Variants in NLRP8 observed in about 807,000 individuals in gnomAD.
NLRP8 encodes NLR family pyrin domain containing 8.
A neutral mutation model predicts 88.7 loss-of-function variants in NLRP8; 86 were observed. The observed-to-expected ratio is 0.97, with a 90% confidence interval of 0.81 to 1.16. The LOEUF (loss-of-function observed/expected upper bound fraction) is 1.16, where lower values mean the gene tolerates loss of function less well. Among genes scored for constraint, NLRP8 ranks in the 50% most tolerant of loss-of-function variants. NLRP8 has a pLI of 0.00. For missense variants in NLRP8, 1,342 were observed against 1,286.5 expected (o/e 1.04, Z -0.66); for synonymous variants, 504 against 494.6 (o/e 1.02, Z -0.25).
intron 4 of NLRP8, among the ~76,000 whole-genome samples, chr19:55,963,201 A>G (rs953362811): frequency 4.6e-5 from 7 of 151,994 alleles, no homozygotes; most frequent in Non-Finnish European, 7.4e-5. Flanking sequence ...TTTAGTAGAG[A>G]TGGGGTTTCA....
rs1366455449 is a variant in NLRP8, at chr19:55,966,228, T to A, written c.2229T>A (p.Asn743Lys). 3 of 1,614,092 alleles carry A rather than the reference T, an allele frequency of 1.9e-6. No homozygotes were observed. Among genetic ancestry groups the A allele is most frequent in the Non-Finnish European group, 1.7e-6 (2 of 1,179,954 alleles). Residue 743 changes from asparagine to lysine, a missense_variant, in exon 5 of 10, where the codon AAT becomes AAA. Coordinates refer to ENST00000291971, the MANE Select transcript of NLRP8 (RefSeq NM_176811.2). ...CCCTCTCCAGCCTAAGGCGTGTGAA[T>A]AGCACCATGTTGAACCAGGACTTAA...
intron 3 of NLRP8, among the ~76,000 whole-genome samples, chr19:55,959,171 C>A (rs1265201086): frequency 6.6e-6 from 1 of 151,520 alleles, no homozygotes; most frequent in Non-Finnish European, 1.5e-5. Flanking sequence ...AGCCACCATG[C>A]CTAGCCAGGG....
chr19:55,977,035 A>G (rs1165094439), intron 8 of NLRP8, among the ~76,000 whole-genome samples: 4 of 147,832 alleles, frequency 2.7e-5, no homozygotes, highest in Non-Finnish European at 4.5e-5. Flanking sequence ...AGCCGAGATC[A>G]CACCACTGTA....
chr19:55,981,550 T>C (rs1270581367), intron 9 of NLRP8, among the ~76,000 whole-genome samples: 1 of 152,212 alleles, frequency 6.6e-6, no homozygotes, highest in Non-Finnish European at 1.5e-5. Flanking sequence ...TGAATGCAAT[T>C]TGAAATTTTT....
intron 5 of NLRP8, among the ~76,000 whole-genome samples, chr19:55,967,768 G>T (rs956529579): frequency 2.0e-5 from 3 of 152,144 alleles, no homozygotes; most frequent in African/African-American, 7.2e-5. Context: ...TCATCATTCA[G>T]GAATTTCATG....
intron 4 of NLRP8, among the ~76,000 whole-genome samples, chr19:55,964,308 G>A (rs1382475127): frequency 4.6e-5 from 7 of 152,192 alleles, no homozygotes; most frequent in Admixed American, 2.6e-4. Context: ...AGAAAATGTC[G>A]TATGCTCTCC....
chr19:55,974,956 G>A lies in NLRP8; in HGVS notation c.2705+1134G>A, dbSNP rs542648290. ...GTTAGAAAGGGAGCTGGAACTTAAAGTGCCAGTGTCTGTCCGAGATCACGG... is the reference window on the plus strand; with the variant it reads ...GTTAGAAAGGGAGCTGGAACTTAAAATGCCAGTGTCTGTCCGAGATCACGG... On this transcript the variant is annotated intron_variant, in intron 7 of 9. Coordinates refer to ENST00000291971, the MANE Select transcript of NLRP8 (RefSeq NM_176811.2). 9.9e-5 allele frequency among the ~76,000 whole-genome samples: 15 copies of A among 152,204 alleles called. No individual in the cohort carries two copies. The South Asian group carries it at 2.7e-3, about 27-fold the overall frequency.
Position 55,956,860 on chromosome 19 carries a change from G to A in NLRP8, c.2042+760G>A, listed in dbSNP as rs945553124. On this transcript the variant is annotated intron_variant, in intron 3 of 9. Transcript: ENST00000291971. ...CACCCAGGAAGGCAGTGGTACGATC[G>A]TGGCTCACTGCAACCTCAACCTTCT... 2.6e-5 allele frequency among the ~76,000 whole-genome samples: 4 copies of A among 151,892 alleles called. No homozygotes were observed. In the South Asian group the frequency reaches 6.3e-4, roughly 24 times the overall value.
chr19:55,963,711 C>T (rs776451584), intron 4 of NLRP8, among the ~76,000 whole-genome samples: 8 of 151,898 alleles, frequency 5.3e-5, no homozygotes, highest in East Asian at 1.9e-4. Context: ...CACCATTGCC[C>T]GGCTAATTTT....
At chr19:55,980,054 G>A (rs187032996) in intron 9 of NLRP8, among the ~76,000 whole-genome samples, 88 of 152,250 alleles carry the variant, frequency 5.8e-4, no homozygotes, top group African/African-American at 2.0e-3. Flanking sequence ...TTTACCTAAA[G>A]GAACCATTAA....
chr19:55,959,413 C>T (rs1303244032), intron 3 of NLRP8, among the ~76,000 whole-genome samples: 1 of 146,432 alleles, frequency 6.8e-6, no homozygotes, highest in African/African-American at 2.5e-5. Flanking sequence ...GGGGTTTCAC[C>T]CTGTTAGCCA....
chr19:55,978,057 G>T (rs1980420861), intron 8 of NLRP8, among the ~76,000 whole-genome samples: 1 of 152,100 alleles, frequency 6.6e-6, no homozygotes, highest in Admixed American at 6.6e-5. Context: ...GCCTTTGCTT[G>T]TATGAGATTA....
rs35488951 is a variant in NLRP8 at position 55,988,434 on chromosome 19, ATGTG to A, written c.*529_*532del. 0.01 allele frequency: 1,289 copies of A among 126,956 alleles called. 22 individuals are homozygous for A. Among genetic ancestry groups the A allele is most frequent in the African/African-American group, 0.025 (804 of 31,804 alleles). The allele number at this position is 126,956 out of a possible 1,614,324, so 7.9% of individuals were successfully genotyped here. A position where few individuals can be genotyped will look rare whatever the true frequency, so the allele number is the denominator to read the frequency against. ...AATACATATACACATAAATATATATATGTGTGTGTGTATATATATATATATATAT... is the reference window on the plus strand; with the variant it reads ...AATACATATACACATAAATATATATATGTGTGTATATATATATATATATAT... On this transcript the variant is annotated 3_prime_UTR_variant, in exon 10 of 10. Transcript: ENST00000291971.
At chr19:55,972,727 T>G (rs1980130453) in intron 6 of NLRP8, among the ~76,000 whole-genome samples, 1 of 151,970 alleles carries the variant, frequency 6.6e-6, no homozygotes, top group Admixed American at 6.6e-5. Flanking sequence ...TAGTCTCCAA[T>G]TCTACCTGGG....
intron 6 of NLRP8, among the ~76,000 whole-genome samples, chr19:55,972,889 T>C (rs563737621): frequency 6.6e-6 from 1 of 151,990 alleles, no homozygotes; most frequent in African/African-American, 2.4e-5. Flanking sequence ...GCTGGTTCCA[T>C]ATTTTCGCAA....
chr19:55,952,619 G>T lies in NLRP8; in HGVS notation c.442+7G>T, dbSNP rs767640589. The T allele has an allele frequency of 6.2e-7, 1 of 1,612,418 alleles. No individual in the cohort carries two copies. The highest frequency in any genetic ancestry group is 1.3e-5 in the African/African-American group (1 of 75,024). On this transcript the variant is annotated splice_region_variant and intron_variant, in intron 2 of 9. Coordinates refer to ENST00000291971, the MANE Select transcript of NLRP8 (RefSeq NM_176811.2). ...CTGGAGGAAGGAGAATCTGGTATGT[G>T]CCTGTATCACAGCAGACCCTGGTGA... is the stretch of plus-strand genomic sequence containing the variant.
chr19:55,984,409 C>T lies in NLRP8; in HGVS notation c.3048-3405C>T, dbSNP rs186773907. On this transcript the variant is annotated intron_variant, in intron 9 of 9. Transcript: ENST00000291971. The stretch of plus-strand genomic sequence containing the variant: ...GTGGCTCACGCCTGTAATCACAGCA[C>T]TTTGGGAGGCCGAAGCGGGGGGATC... 3.9e-3 allele frequency among the ~76,000 whole-genome samples: 591 copies of T among 152,042 alleles called. 9 individuals are homozygous for T. The highest frequency in any genetic ancestry group is 0.014 in the African/African-American group (566 of 41,442).
chr19:55,979,618 T>C, intron 9 of NLRP8, 54 bp downstream of exon 9: 1 of 1,595,858 alleles, frequency 6.3e-7, no homozygotes, highest in Non-Finnish European at 8.6e-7. Flanking sequence ...AGAAGCTCCT[T>C]GTAAAACGTG....
Position 55,966,299 on chromosome 19 carries a change from A to C in NLRP8, c.2300A>C (p.Gln767Pro). 1 of 1,614,082 alleles carries C rather than the reference A, an allele frequency of 6.2e-7. No homozygotes were observed. The highest frequency in any genetic ancestry group is 8.5e-7 in the Non-Finnish European group (1 of 1,179,948). ...CAGCATCTGAGATACTTGGAAATAC[A>C]ACATGTGGAAGTGGAGTCCAAAGCT... The change falls in exon 5 of 10, where the codon CAA becomes CCA. Residue 767 changes from glutamine to proline, a missense_variant. Gln to Pro is a moderately conservative substitution (Grantham distance 76). Coordinates refer to ENST00000291971, the MANE Select transcript of NLRP8 (RefSeq NM_176811.2).
Sources: allele counts gnomAD v4.1 joint callset (sites outside exome capture counted in the v4.1 genomes callset), GRCh38; gene constraint gnomAD v4.1.1; transcripts MANE v1.5; gene names NCBI Gene and HGNC (gene_info 2026-07-23, HGNC 2026-07-21).